Variants in NPHS1 observed in about 807,000 individuals in gnomAD.
The protein encoded by NPHS1 is nephrin.
NPHS1 carries 107 observed loss-of-function variants against 139.7 expected under a neutral mutation model. That is an observed-to-expected ratio of 0.77 (90% CI 0.66 to 0.90). NPHS1 has a LOEUF of 0.90. Among genes scored for constraint, NPHS1 ranks in the 40% least tolerant of loss-of-function variants. The pLI is 0.00. For missense variants in NPHS1, 1,580 were observed against 1,654.2 expected (o/e 0.96, Z 0.78); for synonymous variants, 707 against 706.6 (o/e 1.00, Z -0.01).
chr19:35,845,293 A>G lies in NPHS1; in HGVS notation c.1930+75T>C. 6.6e-7 allele frequency: 1 copy of G among 1,509,358 alleles called. No homozygotes were observed. The highest frequency in any genetic ancestry group is 1.1e-5 in the South Asian group (1 of 88,392). 93.5% of individuals were successfully genotyped at this position (1,509,358 alleles called of 1,614,324 possible). A position where few individuals can be genotyped will look rare whatever the true frequency, so the allele number is the denominator to read the frequency against. ...AGAGAGAGAGAAGAGAAAAAGAAGG[A>G]AAAAAAGGTAAGACCCAAGGAGTAG... On this transcript the variant is annotated intron_variant, in intron 14 of 28. Coordinates refer to ENST00000378910, the MANE Select transcript of NPHS1 (RefSeq NM_004646.4). The surrounding 1 kb of genome is among the most constrained non-coding windows in gnomAD (Gnocchi z 5.5).
intron 5 of NPHS1, 53 bp from the exon 6 acceptor site, chr19:35,849,706 G>A (rs1973204203): frequency 7.3e-7 from 1 of 1,375,186 alleles, no homozygotes; most frequent in South Asian, 1.2e-5. Flanking sequence ...GAAATTTGGG[G>A]AGTCAGGGAG....
rs770201529 is a variant in NPHS1, at chr19:35,825,711, T to C, written c.*803A>G. On this transcript the variant is annotated 3_prime_UTR_variant, in exon 29 of 29. Coordinates refer to ENST00000378910, the MANE Select transcript of NPHS1 (RefSeq NM_004646.4). ...TGTTTATTTTAATGCTTATGGAGCA[T>C]ACTTATGTTTACATGTGTCATAGTT... 3.9e-5 allele frequency among the ~76,000 whole-genome samples: 6 copies of C among 152,202 alleles called. No homozygotes were observed. The highest frequency in any genetic ancestry group is 7.3e-5 in the Non-Finnish European group (5 of 68,028).
At chr19:35,835,615 GCTGTGACTA>G in intron 23 of NPHS1, 81 bp downstream of exon 23, 1 of 1,187,130 alleles carries the variant, frequency 8.4e-7, no homozygotes, top group Non-Finnish European at 1.3e-6. Flanking sequence ...TCGTTAAGCA[GCTGTGACTA>G]CAAGCAGAGG....
chr19:35,835,199 C>CAAAAAAAAAAAA (rs71167570), intron 23 of NPHS1, among the ~76,000 whole-genome samples: 29 of 71,170 alleles, frequency 4.1e-4, no homozygotes, highest in East Asian at 9.3e-4. Context: ...GACTCTGTCT[C>CAAAAAAAAAAAA]AAAAAAAAAA....
rs2146807423 is a variant in NPHS1, at chr19:35,831,288, C to G, written c.3387+8G>C. 3.7e-6 allele frequency: 6 copies of G among 1,614,016 alleles called. No individual in the cohort carries two copies. Among genetic ancestry groups the G allele is most frequent in the Non-Finnish European group, 5.1e-6 (6 of 1,179,948 alleles). ...GATTGTGGGGTCACCAGGGCCACCC[C>G]CACTTACCGTGGAGCTCTGAGTGTC... On this transcript the variant is annotated splice_region_variant and intron_variant, in intron 26 of 28. Transcript: ENST00000378910.
chr19:35,837,015 GA>G lies in NPHS1; in HGVS notation c.3110-1255del, dbSNP rs1266123056. The stretch of plus-strand genomic sequence containing the variant: ...CATTGCAAAAAAAAAAAAAAAGAAA[GA>G]AAAGAAAAGAAAAGAAAGAAAGAAA... On this transcript the variant is annotated intron_variant, in intron 22 of 28. Coordinates refer to ENST00000378910, the MANE Select transcript of NPHS1 (RefSeq NM_004646.4). 3.0e-3 allele frequency among the ~76,000 whole-genome samples: 322 copies of G among 108,324 alleles called. 1 individual carries two copies. Among genetic ancestry groups the G allele is most frequent in the African/African-American group, 0.01 (295 of 28,244 alleles). 71.1% of individuals were successfully genotyped at this position (108,324 alleles called of 152,430 possible). A position where few individuals can be genotyped will look rare whatever the true frequency, so the allele number is the denominator to read the frequency against.
chr19:35,848,228 T>C, intron 10 of NPHS1, 25 bp downstream of exon 10: 1 of 1,614,056 alleles, frequency 6.2e-7, no homozygotes, highest in Non-Finnish European at 8.5e-7. Flanking sequence ...CTTGGGGGCA[T>C]TGCTGGGCCA....
In NPHS1 at chr19:35,849,031, G is replaced by T. The variant is rs1409252703; in HGVS notation, c.957C>A (p.Ala319=). The change falls in exon 8 of 29, where the codon GCC becomes GCA. Residue 319 remains alanine, a synonymous_variant. Coordinates refer to ENST00000378910, the MANE Select transcript of NPHS1 (RefSeq NM_004646.4). ...GGGTCCCTGCAGACACGCTGTTGTG[G>T]GCCTCGCAGCTGAGCTGCGCTCCAT... ...EDHGAQLSCE[A]HNSVSAGTQE... is the part of the protein sequence containing the mutation. 1.2e-6 allele frequency: 2 copies of T among 1,612,112 alleles called. No individual in the cohort carries two copies. Among genetic ancestry groups the T allele is most frequent in the Admixed American group, 3.3e-5 (2 of 60,032 alleles).
chr19:35,851,076 C>A lies in NPHS1; in HGVS notation c.411G>T (p.Leu137=), dbSNP rs1973239693. The A allele has an allele frequency of 6.2e-7, 1 of 1,614,072 alleles. No individual in the cohort carries two copies. Among genetic ancestry groups the A allele is most frequent in the Non-Finnish European group, 8.5e-7 (1 of 1,180,046 alleles). ...VILSILVPPK[L]LLLTPEAGTM... ...TGCCTGCCTCTGGGGTCAGCAGGAG[C>A]AGCTTGGGAGGAACTGGTGAGAGAA... The change falls in exon 4 of 29, where the codon CTG becomes CTT. Residue 137 remains leucine, a synonymous_variant. Coordinates refer to ENST00000378910, the MANE Select transcript of NPHS1 (RefSeq NM_004646.4).
chr19:35,837,073 A>AGAAAGAAAG (rs765643414), intron 22 of NPHS1, among the ~76,000 whole-genome samples: 1,754 of 130,410 alleles, frequency 0.013, 16 homozygotes, highest in East Asian at 0.039. Context: ...AAAGAAAGAA[A>AGAAAGAAAG]AATAAACTGA....
Position 35,826,167 on chromosome 19 carries a change from G to A in NPHS1, c.*347C>T, listed in dbSNP as rs988355220. On this transcript the variant is annotated 3_prime_UTR_variant, in exon 29 of 29. Transcript: ENST00000378910. ...TTACCATGTTGGCCAGGCTGGTCTC[G>A]AACTCCTGACCTCAGGTGATCCACC... 5.1e-5 allele frequency: 13 copies of A among 256,768 alleles called. No homozygotes were observed. The highest frequency in any genetic ancestry group is 2.6e-4 in the African/African-American group (12 of 45,430). 15.9% of individuals were successfully genotyped at this position (256,768 alleles called of 1,614,324 possible).
intron 22 of NPHS1, among the ~76,000 whole-genome samples, chr19:35,838,581 G>A (rs1418081554): frequency 2.0e-5 from 3 of 151,048 alleles, no homozygotes; most frequent in African/African-American, 7.3e-5. Flanking sequence ...CGCGCATGGT[G>A]GCTCAGGCCT....
intron 20 of NPHS1, among the ~76,000 whole-genome samples, chr19:35,841,131 C>G (rs1003714878): frequency 4.0e-5 from 6 of 151,734 alleles, no homozygotes; most frequent in African/African-American, 4.8e-5. Flanking sequence ...GTAATCCCAC[C>G]ACTTTGGGAG....
chr19:35,850,485 C>T lies in NPHS1; in HGVS notation c.527-40G>A, dbSNP rs780805621. 5.7e-5 allele frequency: 88 copies of T among 1,550,990 alleles called. No individual in the cohort carries two copies. The highest frequency in any genetic ancestry group is 3.2e-4 in the South Asian group (29 of 89,760). On this transcript the variant is annotated intron_variant, in intron 4 of 28. Transcript: ENST00000378910. ...AGGGCTAGAGGGGTTCCAGGCTCCC[C>T]GCAAGATAGATTCTGGGGAGCATGG...
intron 28 of NPHS1, among the ~76,000 whole-genome samples, chr19:35,829,135 C>G (rs909118467): frequency 2.0e-5 from 3 of 152,256 alleles, no homozygotes; most frequent in Admixed American, 2.0e-4. Flanking sequence ...CTCTCCTACT[C>G]TCAGCCCAGT....
intron 22 of NPHS1, among the ~76,000 whole-genome samples, chr19:35,837,938 T>TAAAAAAAAAAA (rs1200757977): frequency 9.1e-5 from 9 of 99,422 alleles, no homozygotes; most frequent in African/African-American, 2.0e-4. Context: ...GTTATTCTCT[T>TAAAAAAAAAAA]AAAAAAAAAA....
intron 20 of NPHS1, among the ~76,000 whole-genome samples, chr19:35,840,321 CT>C (rs923858081): frequency 2.1e-4 from 31 of 145,398 alleles, no homozygotes; most frequent in Non-Finnish European, 3.0e-4. Flanking sequence ...GGTTTCTTTT[CT>C]TTTTTTTTTC....
At chr19:35,848,471 C>T (rs1973177831) in intron 9 of NPHS1, 74 bp from the exon 10 acceptor site, 6 of 1,604,788 alleles carry the variant, frequency 3.7e-6, no homozygotes, top group East Asian at 2.2e-5. Context: ...GAGTCCATCC[C>T]AGTCCCCAGC....
intron 22 of NPHS1, among the ~76,000 whole-genome samples, chr19:35,838,842 C>T (rs1416719805): frequency 1.3e-5 from 2 of 151,508 alleles, no homozygotes; most frequent in Non-Finnish European, 2.9e-5. Context: ...AGTGAAACTC[C>T]ATCTCAAAAA....
Sources: gnomAD v4.1 joint callset for allele counts (sites outside exome capture counted in the v4.1 genomes callset) on GRCh38, gnomAD v4.1.1 for gene constraint, Gnocchi (gnomAD v3.1) non-coding constraint, MANE v1.5 for transcripts, NCBI Gene and HGNC (gene_info 2026-07-23, HGNC 2026-07-21) for gene names.